Variants in PYGB observed in about 807,000 individuals in gnomAD.
PYGB encodes the protein glycogen phosphorylase, brain form.
PYGB carries 82 observed loss-of-function variants against 94.3 expected under a neutral mutation model. The ratio of observed to expected loss-of-function variants is 0.87; its 90% CI spans 0.73 to 1.04. The LOEUF (loss-of-function observed/expected upper bound fraction) is 1.04. Among genes scored for constraint, PYGB ranks in the 50% least tolerant of loss-of-function variants. The pLI, the probability that PYGB is intolerant of heterozygous loss-of-function variation, is 0.00. For missense variants in PYGB, 1,132 were observed against 1,158.2 expected (o/e 0.98, Z 0.33); for synonymous variants, 488 against 479.1 (o/e 1.02, Z -0.24).
intron 2 of PYGB, among the ~76,000 whole-genome samples, chr20:25,264,294 T>C (rs1295711408): frequency 1.3e-5 from 2 of 152,196 alleles, no homozygotes; most frequent in Non-Finnish European, 2.9e-5. Context: ...ATAAGAGCTA[T>C]TTATGACATA....
intron 12 of PYGB, among the ~76,000 whole-genome samples, chr20:25,282,357 G>A (rs989729548): frequency 6.6e-6 from 1 of 152,250 alleles, no homozygotes; most frequent in South Asian, 2.1e-4. Context: ...CTGTGTGCGA[G>A]TTCAGAAGCC....
chr20:25,268,619 A>G (rs1017085769), intron 2 of PYGB, among the ~76,000 whole-genome samples: 2 of 152,266 alleles, frequency 1.3e-5, no homozygotes, highest in African/African-American at 4.8e-5. Context: ...AAGTTCGTGC[A>G]CTAAAGCCAG....
chr20:25,252,622 C>A (rs1258387067), intron 1 of PYGB, among the ~76,000 whole-genome samples: 1 of 152,176 alleles, frequency 6.6e-6, no homozygotes, highest in African/African-American at 2.4e-5. Context: ...CAATTACTTA[C>A]AAGGAATACA....
At chr20:25,259,464 G>A (rs528583961) in intron 2 of PYGB, 126 bp downstream of exon 2, 120 of 701,736 alleles carry the variant, frequency 1.7e-4, no homozygotes, top group African/African-American at 1.6e-3. Context: ...GGAGATTTAC[G>A]GCCTGTTCTC....
chr20:25,284,311 C>T, intron 14 of PYGB, 60 bp downstream of exon 14: 1 of 1,579,060 alleles, frequency 6.3e-7, no homozygotes, highest in East Asian at 2.2e-5. Context: ...CCCTTGCCCG[C>T]CAGCTGTGCA....
In PYGB at chr20:25,295,552, T is replaced by C; in HGVS notation, c.2313-52T>C. ...CCCTGGGACTCTCCCCTCGGGACAG[T>C]GTGGGCAGGGCTCCCTGCTGCCCTG... On this transcript the variant is annotated intron_variant, in intron 18 of 19. Coordinates refer to ENST00000216962, the MANE Select transcript of PYGB (RefSeq NM_002862.4). 8 of 1,557,936 alleles carry C rather than the reference T, an allele frequency of 5.1e-6. No individual in the cohort carries two copies. The South Asian group carries it at 8.9e-5, about 17-fold the overall frequency.
Position 25,288,441 on chromosome 20 carries a change from G to A in PYGB, c.1785G>A (p.Pro595=), listed in dbSNP as rs201553690. The part of the protein sequence containing the change: ...VTLYNRIKRD[P]AKAFVPRTVM... ...GTCCTGCAGGAATCAAGAGAGACCCGGCCAAGGCTTTTGTGCCCAGGACTG... is the reference window on the plus strand; with the variant it reads ...GTCCTGCAGGAATCAAGAGAGACCCAGCCAAGGCTTTTGTGCCCAGGACTG... Residue 595 remains proline (P), a synonymous_variant, in exon 15 of 20, where the codon CCG becomes CCA. Coordinates refer to ENST00000216962, the MANE Select transcript of PYGB (RefSeq NM_002862.4). 61 of 1,614,020 alleles carry A rather than the reference G, an allele frequency of 3.8e-5. No individual in the cohort carries two copies. In the East Asian group the frequency reaches 6.9e-4, roughly 18 times the overall value.
rs201023289 is a variant in PYGB at position 25,248,200 on chromosome 20, A to T, written c.22A>T (p.Ser8Cys). MAKPLTD[S>C]EKRKQISVRG... ...CGCGATGGCGAAGCCGCTGACGGAC[A>T]GCGAGAAGCGGAAGCAGATCAGCGT... The change falls in exon 1 of 20, where the codon AGC becomes TGC. Residue 8 changes from serine (S) to cysteine (C), a missense_variant. By Grantham distance (112) the Ser-to-Cys change is moderately radical. Coordinates refer to ENST00000216962, the MANE Select transcript of PYGB (RefSeq NM_002862.4). 185 of 1,591,366 alleles carry T rather than the reference A, an allele frequency of 1.2e-4. No homozygotes were observed. The Middle Eastern group carries it at 3.2e-3, about 27-fold the overall frequency.
chr20:25,277,470 A>T, intron 7 of PYGB, 144 bp downstream of exon 7: 1 of 707,914 alleles, frequency 1.4e-6, no homozygotes, highest in Middle Eastern at 2.5e-4. Flanking sequence ...TTAGGTGCAC[A>T]CACGATGCCC....
intron 8 of PYGB, among the ~76,000 whole-genome samples, chr20:25,278,773 C>T (rs971315139): frequency 3.3e-5 from 5 of 152,214 alleles, no homozygotes; most frequent in Admixed American, 6.5e-5. Flanking sequence ...CCCCCAGCCC[C>T]GGTGGCCACG....
intron 2 of PYGB, among the ~76,000 whole-genome samples, chr20:25,264,945 C>CCAAA (rs1319602923): frequency 2.0e-5 from 3 of 152,116 alleles, no homozygotes; most frequent in Non-Finnish European, 4.4e-5. Flanking sequence ...TCATATGGAA[C>CCAAA]CAAAAAAGAG....
intron 1 of PYGB, among the ~76,000 whole-genome samples, chr20:25,250,136 A>G (rs1016741786): frequency 6.6e-6 from 1 of 152,216 alleles, no homozygotes; most frequent in African/African-American, 2.4e-5. Flanking sequence ...GGCGTGAGCC[A>G]ACGCACCCGA....
intron 11 of PYGB, 52 bp from the exon 12 acceptor site, chr20:25,281,980 AC>A (rs2123576088): frequency 1.4e-6 from 2 of 1,471,392 alleles, no homozygotes; most frequent in East Asian, 4.5e-5. Flanking sequence ...TCTGTTGCTC[AC>A]CTGGTGCAGG....
intron 11 of PYGB, among the ~76,000 whole-genome samples, chr20:25,281,763 C>T (rs1422293390): frequency 1.3e-5 from 2 of 152,194 alleles, no homozygotes; most frequent in Non-Finnish European, 2.9e-5. Context: ...CCGCACGGAC[C>T]GCTCTGGAGA....
Position 25,281,948 on chromosome 20 carries a change from C to A in PYGB, c.1404-85C>A, listed in dbSNP as rs796160617. The A allele has an allele frequency of 1.5e-5, 17 of 1,162,204 alleles. No homozygotes were observed. In the African/African-American group the frequency reaches 2.1e-4, roughly 14 times the overall value. The allele number at this position is 1,162,204 out of a possible 1,614,324, so 72.0% of individuals were successfully genotyped here. On this transcript the variant is annotated intron_variant, in intron 11 of 19. Coordinates refer to ENST00000216962, the MANE Select transcript of PYGB (RefSeq NM_002862.4). ...CCACTGAGCTTGAGGGCTCCTGGGA[C>A]CTCCTTAAAAGGACTTTAAGGTCTG...
intron 6 of PYGB, 118 bp downstream of exon 6, chr20:25,276,875 C>T: frequency 1.1e-6 from 1 of 888,738 alleles, no homozygotes; most frequent in Non-Finnish European, 1.7e-6. Flanking sequence ...CGCGGCCCTC[C>T]TCTAGGGTGT....
chr20:25,278,314 T>G lies in PYGB; in HGVS notation c.856-5T>G. On this transcript the variant is annotated splice_region_variant and splice_polypyrimidine_tract_variant and intron_variant, in intron 7 of 19. Transcript: ENST00000216962. ...GCACCCTCCAGCTTGCTCTGCTGTG[T>G]GCAGTTCTTTGAGGGGAAGGAGCTG... 7.2e-7 allele frequency: 1 copy of G among 1,390,284 alleles called. No homozygotes were observed. 86.1% of individuals were successfully genotyped at this position (1,390,284 alleles called of 1,614,324 possible).
chr20:25,277,140 G>C, intron 6 of PYGB, 104 bp from the exon 7 acceptor site: 1 of 868,170 alleles, frequency 1.2e-6, no homozygotes. Context: ...GGGGAGTCCT[G>C]TGCTCGAGCG....
chr20:25,277,128 TG>T, intron 6 of PYGB, 115 bp from the exon 7 acceptor site: 1 of 767,808 alleles, frequency 1.3e-6, no homozygotes, highest in Non-Finnish European at 2.3e-6. Context: ...ATGCAGCGGC[TG>T]GGGGAGTCCT....
Sources: allele counts gnomAD v4.1 joint callset (sites outside exome capture counted in the v4.1 genomes callset), GRCh38; gene constraint gnomAD v4.1.1; transcripts MANE v1.5; gene names NCBI Gene and HGNC (gene_info 2026-07-23, HGNC 2026-07-21).